MAP3K1: variants seen among roughly 807,000 people sequenced by gnomAD.
MAP3K1 encodes the protein MAP/ERK kinase kinase 1.
In MAP3K1, 36 loss-of-function variants were observed where a neutral mutation model predicts 144.2. The observed-to-expected ratio is 0.25, with a 90% CI of 0.19 to 0.33. The LOEUF (loss-of-function observed/expected upper bound fraction) is 0.33. MAP3K1 is among the 10% of genes least tolerant of loss of function. The probability of loss-of-function intolerance (pLI) is 1.00; values close to 1 mark genes in which losing one functional copy is unlikely to be tolerated. For synonymous variants in MAP3K1, 718 were observed against 688.7 expected (o/e 1.04, Z -0.67); for missense variants, 1,650 against 1,881.9 (o/e 0.88, Z 2.28).
chr5:56,879,976 C>A (rs1748157958), intron 11 of MAP3K1, among the ~76,000 whole-genome samples: 1 of 152,122 alleles, frequency 6.6e-6, no homozygotes, highest in Admixed American at 6.6e-5. Context: ...TAGGTACCTA[C>A]CTTTAACGAA....
intron 1 of MAP3K1, among the ~76,000 whole-genome samples, chr5:56,832,337 A>G (rs1339205055): frequency 2.6e-5 from 4 of 152,238 alleles, no homozygotes; most frequent in Non-Finnish European, 5.9e-5. Flanking sequence ...TTCCTACTTC[A>G]GTACAGTGCT....
intron 11 of MAP3K1, among the ~76,000 whole-genome samples, chr5:56,879,974 T>TA (rs1307061446): frequency 6.6e-6 from 1 of 152,190 alleles, no homozygotes; most frequent in Non-Finnish European, 1.5e-5. Flanking sequence ...ATTAGGTACC[T>TA]ACCTTTAACG....
At chr5:56,835,439 G>C (rs1746623376) in intron 1 of MAP3K1, among the ~76,000 whole-genome samples, 1 of 140,450 alleles carries the variant, frequency 7.1e-6, no homozygotes, top group African/African-American at 3.1e-5. Context: ...GGGAAGAGGA[G>C]ACAGGAAGGC....
At chr5:56,874,935 A>G in intron 9 of MAP3K1, 97 bp from the exon 10 acceptor site, 5 of 1,238,210 alleles carry the variant, frequency 4.0e-6, no homozygotes. Context: ...AGAAATGTCC[A>G]GTTTTTACGT....
At chr5:56,826,864 A>G (rs980427964) in intron 1 of MAP3K1, among the ~76,000 whole-genome samples, 6 of 152,232 alleles carry the variant, frequency 3.9e-5, no homozygotes, top group Non-Finnish European at 5.9e-5. Context: ...CCAGGCACCA[A>G]GGTGCTGGGG....
chr5:56,844,383 G>C (rs1211218306), intron 1 of MAP3K1, among the ~76,000 whole-genome samples: 1 of 151,696 alleles, frequency 6.6e-6, no homozygotes, highest in Non-Finnish European at 1.5e-5. Context: ...GTTTCACCGT[G>C]TTAGCCAGGA....
chr5:56,880,709 A>G lies in MAP3K1; in HGVS notation c.2088-2A>G. ...TTGATGTTGCTTTTCCTTTGTTTTT[A>G]GCCGCACAAGTCAGCTGTCCATATC... On this transcript the variant is annotated splice_acceptor_variant, in intron 11 of 19. Coordinates refer to ENST00000399503, the MANE Select transcript of MAP3K1 (RefSeq NM_005921.2). LOFTEE classifies it high-confidence loss of function. 6.2e-7 allele frequency: 1 copy of G among 1,611,608 alleles called. No homozygotes were observed. Among genetic ancestry groups the G allele is most frequent in the Non-Finnish European group, 8.5e-7 (1 of 1,177,886 alleles).
intron 1 of MAP3K1, among the ~76,000 whole-genome samples, chr5:56,849,189 A>G (rs1448789385): frequency 6.6e-6 from 1 of 152,122 alleles, no homozygotes; most frequent in Non-Finnish European, 1.5e-5. Flanking sequence ...CTGTACAAAA[A>G]GTACAAAAAA....
intron 1 of MAP3K1, among the ~76,000 whole-genome samples, chr5:56,847,271 ACATC>A (rs1747026851): frequency 6.6e-6 from 1 of 152,238 alleles, no homozygotes; most frequent in Non-Finnish European, 1.5e-5. Context: ...CTGTTGAAGT[ACATC>A]CATAATGTTT....
At chr5:56,873,076 C>A in intron 9 of MAP3K1, 71 bp downstream of exon 9, 1 of 1,393,792 alleles carries the variant, frequency 7.2e-7, no homozygotes, top group South Asian at 1.2e-5. Flanking sequence ...GTCTCCTTCC[C>A]TCAGTTGTTC....
At chr5:56,853,397 AAG>A (rs1747236110) in intron 1 of MAP3K1, among the ~76,000 whole-genome samples, 1 of 152,236 alleles carries the variant, frequency 6.6e-6, no homozygotes, top group Admixed American at 6.5e-5. Flanking sequence ...ATTATAAAAA[AAG>A]TTAATAAGAA....
At position 56,843,660 on chromosome 5, in the gene MAP3K1, G is replaced by C. The variant is rs1258388383; in HGVS notation, c.483-12940G>C. ...AGACTCTGGCCTCTGCTAGTGGTTG[G>C]ATTGGGCCAGGCTTGAATTTCTGAT... On this transcript the variant is annotated intron_variant, in intron 1 of 19. Coordinates refer to ENST00000399503, the MANE Select transcript of MAP3K1 (RefSeq NM_005921.2). Among the ~76,000 whole-genome samples, 3 of 152,168 alleles carry C rather than the reference G, an allele frequency of 2.0e-5. No homozygotes were observed. In the East Asian group the frequency reaches 5.8e-4, roughly 29 times the overall value.
intron 17 of MAP3K1, 32 bp from the exon 18 acceptor site, chr5:56,887,346 C>T (rs748986477): frequency 6.2e-7 from 1 of 1,612,640 alleles, no homozygotes; most frequent in Non-Finnish European, 8.5e-7. Context: ...TTGTTTTTAA[C>T]ATACAAGGTC....
intron 11 of MAP3K1, among the ~76,000 whole-genome samples, chr5:56,880,046 T>C (rs74720210): frequency 0.011 from 1,703 of 152,362 alleles, 24 homozygotes; most frequent in African/African-American, 0.03. Context: ...ATTGAAAATA[T>C]TGGATGTTTC....
chr5:56,885,925 C>T lies in MAP3K1; in HGVS notation c.3983-7C>T, dbSNP rs752412221. 23 of 1,610,676 alleles carry T rather than the reference C, an allele frequency of 1.4e-5. No homozygotes were observed. The highest frequency in any genetic ancestry group is 5.0e-5 in the Admixed American group (3 of 59,952). Reference sequence around the variant, plus strand: ...AGTTTATGATAATTATTTCTATTGTCTTATAGGGGGATCGGTGGCTCATTT... The same window carrying T: ...AGTTTATGATAATTATTTCTATTGTTTTATAGGGGGATCGGTGGCTCATTT... On this transcript the variant is annotated splice_polypyrimidine_tract_variant and splice_region_variant and intron_variant, in intron 16 of 19. Transcript: ENST00000399503.
intron 1 of MAP3K1, among the ~76,000 whole-genome samples, chr5:56,835,977 AT>A (rs1418968553): frequency 6.6e-6 from 1 of 152,180 alleles, no homozygotes; most frequent in African/African-American, 2.4e-5. Context: ...ACATTCACTC[AT>A]CAAATTTTGT....
At chr5:56,841,980 G>A (rs1336894197) in intron 1 of MAP3K1, 1 of 152,174 alleles carries the variant, frequency 6.6e-6, no homozygotes, top group Middle Eastern at 3.2e-3. Flanking sequence ...GAATACATTA[G>A]ATAATAGTAT....
At position 56,822,225 on chromosome 5, in the gene MAP3K1, A is replaced by G. The variant is rs559440914; in HGVS notation, c.482+6170A>G. Among the ~76,000 whole-genome samples, 12 of 152,152 alleles carry G rather than the reference A, an allele frequency of 7.9e-5. No homozygotes were observed. The South Asian group carries it at 1.9e-3, about 24-fold the overall frequency. On this transcript the variant is annotated intron_variant, in intron 1 of 19. Coordinates refer to ENST00000399503, the MANE Select transcript of MAP3K1 (RefSeq NM_005921.2). The stretch of plus-strand genomic sequence containing the variant: ...TTTTTTGTAGAGACAGGGTTTCACC[A>G]TGTTGGCCAGGCTGGTCTTGAACTC...
intron 12 of MAP3K1, 39 bp downstream of exon 12, chr5:56,880,841 A>T (rs1351905213): frequency 6.7e-7 from 1 of 1,501,804 alleles, no homozygotes; most frequent in Admixed American, 1.7e-5. Flanking sequence ...AGCATATTTT[A>T]TCATGTTCCT....
Sources: gnomAD v4.1 joint callset for allele counts (sites outside exome capture counted in the v4.1 genomes callset) on GRCh38, gnomAD v4.1.1 for gene constraint, MANE v1.5 for transcripts, NCBI Gene and HGNC (gene_info 2026-07-23, HGNC 2026-07-21) for gene names.